SDC3: variants seen among roughly 807,000 people sequenced by gnomAD.
SDC3 encodes the protein syndecan-3.
In SDC3, 13 loss-of-function variants were observed where a neutral mutation model predicts 24.4. The ratio of observed to expected loss-of-function variants is 0.53; its 90% CI spans 0.35 to 0.85. The LOEUF (loss-of-function observed/expected upper bound fraction) is 0.85. Ranked by LOEUF, SDC3 falls within the 40% of genes least tolerant of loss-of-function variation. The pLI is 0.01. For synonymous variants in SDC3, 295 were observed against 260.9 expected (o/e 1.13, Z -1.26); for missense variants, 571 against 584.5 (o/e 0.98, Z 0.24).
chr1:30,870,630 T>C lies in SDC3; in HGVS notation c.*2581A>G, dbSNP rs1433214819. The stretch of plus-strand genomic sequence containing the variant: ...TGGACATCTGCCTTGGGTCCAGGGA[T>C]CCATGAACAAGGCCCCTGGCCTCTT... On this transcript the variant is annotated 3_prime_UTR_variant, in exon 5 of 5. Coordinates refer to ENST00000339394, the MANE Select transcript of SDC3 (RefSeq NM_014654.4). 6.6e-6 allele frequency: 1 copy of C among 152,214 alleles called. No homozygotes were observed. The highest frequency in any genetic ancestry group is 1.5e-5 in the Non-Finnish European group (1 of 68,048). 9.4% of individuals were successfully genotyped at this position (152,214 alleles called of 1,614,324 possible). A position where few individuals can be genotyped will look rare whatever the true frequency, so the allele number is the denominator to read the frequency against.
At chr1:30,891,867 G>A (rs1459131928) in intron 1 of SDC3, among the ~76,000 whole-genome samples, 3 of 140,984 alleles carry the variant, frequency 2.1e-5, no homozygotes, top group Non-Finnish European at 3.2e-5. Flanking sequence ...AAAAAAAAAA[G>A]AGGAAGAAGA....
chr1:30,874,186 A>G, intron 4 of SDC3, 111 bp downstream of exon 4: 1 of 887,232 alleles, frequency 1.1e-6, no homozygotes, highest in Middle Eastern at 3.6e-4. Flanking sequence ...GGCTCCTAGG[A>G]AACCACGCCC....
At chr1:30,874,640 C>T (rs567329466) in intron 3 of SDC3, 52 bp from the exon 4 acceptor site, 1 of 1,548,640 alleles carries the variant, frequency 6.5e-7, no homozygotes, top group South Asian at 1.2e-5. Flanking sequence ...ATGCATAACC[C>T]CCCACCACCA....
intron 1 of SDC3, among the ~76,000 whole-genome samples, chr1:30,887,573 C>G (rs1310021657): frequency 6.6e-6 from 1 of 152,212 alleles, no homozygotes; most frequent in African/African-American, 2.4e-5. Context: ...CCCAGCTAGT[C>G]TGCAAAACCA....
Position 30,876,807 on chromosome 1 carries a change from G to A in SDC3, c.615C>T (p.Thr205=). The A allele has an allele frequency of 1.2e-6, 2 of 1,606,634 alleles. No individual in the cohort carries two copies. The highest frequency in any genetic ancestry group is 2.2e-5 in the East Asian group (1 of 44,786). The change falls in exon 3 of 5, where the codon ACC becomes ACT. Residue 205 remains threonine, a synonymous_variant. Coordinates refer to ENST00000339394, the MANE Select transcript of SDC3 (RefSeq NM_014654.4). ...PFTATTAVIR[T]TGVRRLLPLP... Reference sequence around the variant, plus strand: ...GAGGCAGAAGCCTCCGTACGCCAGTGGTCCTTATAACAGCAGTGGTGGCCG... The same window carrying A: ...GAGGCAGAAGCCTCCGTACGCCAGTAGTCCTTATAACAGCAGTGGTGGCCG...
chr1:30,878,601 AG>A, intron 2 of SDC3, 21 bp downstream of exon 2: 1 of 1,573,598 alleles, frequency 6.4e-7, no homozygotes. Flanking sequence ...CCCCAGGCAG[AG>A]GTAGGGAGGG....
intron 1 of SDC3, among the ~76,000 whole-genome samples, chr1:30,884,697 TC>T (rs1174507055): frequency 1.3e-5 from 2 of 152,182 alleles, no homozygotes; most frequent in Admixed American, 6.5e-5. Flanking sequence ...TCTCTGCCTT[TC>T]CTTTGCCCCA....
chr1:30,904,475 AT>A (rs759151896), intron 1 of SDC3, among the ~76,000 whole-genome samples: 2 of 151,580 alleles, frequency 1.3e-5, no homozygotes, highest in South Asian at 2.1e-4. Context: ...TCAAAAGGCC[AT>A]TTTTTTTGTT....
chr1:30,881,829 T>C (rs953205739), intron 1 of SDC3, among the ~76,000 whole-genome samples: 1 of 152,174 alleles, frequency 6.6e-6, no homozygotes, highest in African/African-American at 2.4e-5. Context: ...GCATGAGGCC[T>C]CTGTCTCTGA....
chr1:30,882,530 C>T (rs1178871734), intron 1 of SDC3, among the ~76,000 whole-genome samples: 3 of 152,198 alleles, frequency 2.0e-5, no homozygotes, highest in African/African-American at 7.2e-5. Context: ...GAGGTGCCAC[C>T]TCCCAGGTTG....
intron 1 of SDC3, among the ~76,000 whole-genome samples, chr1:30,898,243 G>T (rs561065807): frequency 2.6e-5 from 4 of 152,230 alleles, no homozygotes; most frequent in Non-Finnish European, 5.9e-5. Context: ...GATATACTGC[G>T]ACCTTCCCCA....
In SDC3 at chr1:30,873,319, G is replaced by A. The variant is rs372267290; in HGVS notation, c.1221C>T (p.Leu407=). 2.7e-5 allele frequency: 44 copies of A among 1,613,086 alleles called. No homozygotes were observed. Among genetic ancestry groups the A allele is most frequent in the Non-Finnish European group, 3.4e-5 (40 of 1,179,030 alleles). ...CATCCTTTTTCTTCATACGATAGAT[G>A]AGCAGTGTGACCAAGAAGGCAGCAA... The part of the protein sequence containing the change: ...ALFAAFLVTL[L]IYRMKKKDEG... The change falls in exon 5 of 5, where the codon CTC becomes CTT. Residue 407 remains leucine (L), a synonymous_variant. Transcript: ENST00000339394.
chr1:30,878,565 G>C, intron 2 of SDC3, 58 bp downstream of exon 2: 2 of 1,437,736 alleles, frequency 1.4e-6, no homozygotes, highest in Non-Finnish European at 2.0e-6. Context: ...TCTCAGAGTT[G>C]AGGCTGGATA....
Position 30,876,667 on chromosome 1 carries a change from G to A in SDC3, c.755C>T (p.Ala252Val), listed in dbSNP as rs1174374513. The change falls in exon 3 of 5, where the codon GCT becomes GTT. Residue 252 changes from alanine (A) to valine (V), a missense_variant. By Grantham distance (64) the Ala-to-Val change is moderately conservative. Coordinates refer to ENST00000339394, the MANE Select transcript of SDC3 (RefSeq NM_014654.4). ...GGGAAGGGCTCTTGGCCGGGAGGTA[G>A]CTGTGCTGACCAGCCTGGGTGTTGG... ...EAPTPRLVST[A>V]TSRPRALPRP... is the part of the protein sequence containing the mutation. 6.2e-7 allele frequency: 1 copy of A among 1,601,336 alleles called. No homozygotes were observed. The highest frequency in any genetic ancestry group is 1.3e-5 in the African/African-American group (1 of 74,588).
intron 1 of SDC3, among the ~76,000 whole-genome samples, chr1:30,901,058 A>G (rs932150737): frequency 6.6e-6 from 1 of 152,132 alleles, no homozygotes; most frequent in Non-Finnish European, 1.5e-5. Flanking sequence ...CCAGGGTAGG[A>G]GAAGGGGCAA....
chr1:30,874,679 G>T, intron 3 of SDC3, 91 bp from the exon 4 acceptor site: 1 of 1,191,618 alleles, frequency 8.4e-7, no homozygotes, highest in Non-Finnish European at 1.2e-6. Context: ...CTAACACTTA[G>T]CACTCCCTAC....
chr1:30,891,416 G>A (rs1639901920), intron 1 of SDC3, among the ~76,000 whole-genome samples: 1 of 152,220 alleles, frequency 6.6e-6, no homozygotes, highest in Non-Finnish European at 1.5e-5. Flanking sequence ...TGTCTGTCCT[G>A]GGCTAGGCCT....
At position 30,908,479 on chromosome 1, in the gene SDC3, C is replaced by G; in HGVS notation, c.108G>C (p.Leu36=). Residue 36 remains leucine (L), a synonymous_variant, in exon 1 of 5, where the codon CTG becomes CTC. Coordinates refer to ENST00000339394, the MANE Select transcript of SDC3 (RefSeq NM_014654.4). ...CGGCGCGCCCCGCCAGCAGCAGCAGCAGCAGCGGTGGCAGGAGCAGCCCGC... is the reference window on the plus strand; with the variant it reads ...CGGCGCGCCCCGCCAGCAGCAGCAGGAGCAGCGGTGGCAGGAGCAGCCCGC... The part of the protein sequence containing the change: ...GARGLLLPPL[L]LLLLAGRAAG... 1 of 1,027,070 alleles carries G rather than the reference C, an allele frequency of 9.7e-7. No individual in the cohort carries two copies. The highest frequency in any genetic ancestry group is 1.2e-6 in the Non-Finnish European group (1 of 855,328). 63.6% of individuals were successfully genotyped at this position (1,027,070 alleles called of 1,614,324 possible). A position where few individuals can be genotyped will look rare whatever the true frequency, so the allele number is the denominator to read the frequency against.
intron 1 of SDC3, among the ~76,000 whole-genome samples, chr1:30,884,124 C>T (rs566911786): frequency 1.8e-4 from 27 of 152,264 alleles, no homozygotes; most frequent in East Asian, 1.5e-3. Context: ...GCCAGGAAGC[C>T]GGCAGTCCCA....
Sources: allele counts gnomAD v4.1 joint callset (sites outside exome capture counted in the v4.1 genomes callset), GRCh38; gene constraint gnomAD v4.1.1; transcripts MANE v1.5; gene names NCBI Gene and HGNC (gene_info 2026-07-23, HGNC 2026-07-21).